Variants in CD226 observed in about 807,000 individuals in gnomAD.
The protein encoded by CD226 is CD226 molecule, also known as CD226 antigen.
A neutral mutation model predicts 34.9 loss-of-function variants in CD226; 24 were observed. That is an observed-to-expected ratio of 0.69 (90% CI 0.50 to 0.97). The LOEUF (loss-of-function observed/expected upper bound fraction) is 0.97. Ranked by LOEUF, CD226 falls within the 50% of genes least tolerant of loss-of-function variation. The pLI is 0.00. For missense variants in CD226, 397 were observed against 412.7 expected (o/e 0.96, Z 0.33); for synonymous variants, 148 against 147.4 (o/e 1.00, Z -0.03).
chr18:69,908,617 C>T (rs1270749604), intron 2 of CD226, among the ~76,000 whole-genome samples: 2 of 143,162 alleles, frequency 1.4e-5, no homozygotes, highest in Admixed American at 1.3e-4. Flanking sequence ...AATTGTAGCC[C>T]CTTTTCCCTC....
chr18:69,875,201 C>A (rs916111804), intron 3 of CD226, among the ~76,000 whole-genome samples: 5 of 152,148 alleles, frequency 3.3e-5, no homozygotes, highest in African/African-American at 1.2e-4. Flanking sequence ...TGCAGTGGCA[C>A]AATCTCAGCT....
chr18:69,948,829 A>G (rs1478693792), upstream of CD226, among the ~76,000 whole-genome samples: 1 of 152,222 alleles, frequency 6.6e-6, no homozygotes, highest in African/African-American at 2.4e-5. Context: ...ACAATCATAA[A>G]GAGGACACAT....
chr18:69,947,119 C>G, intron 1 of CD226, 50 bp from the exon 2 acceptor site: 1 of 1,430,166 alleles, frequency 7.0e-7, no homozygotes, highest in Non-Finnish European at 9.8e-7. Flanking sequence ...ATGGAAACAC[C>G]AAATCAATAT....
intron 2 of CD226, among the ~76,000 whole-genome samples, chr18:69,900,111 T>C (rs1343559413): frequency 6.6e-6 from 1 of 152,178 alleles, no homozygotes; most frequent in African/African-American, 2.4e-5. Flanking sequence ...TAAAAAAGAA[T>C]GAGATCATAT....
chr18:69,872,409 G>GTTT (rs34253062), intron 4 of CD226, among the ~76,000 whole-genome samples: 2 of 151,758 alleles, frequency 1.3e-5, no homozygotes, highest in African/African-American at 4.9e-5. Context: ...ACAGTAAAAG[G>GTTT]TTTTTTTAAT....
intron 2 of CD226, among the ~76,000 whole-genome samples, chr18:69,938,800 T>C (rs1293086409): frequency 6.6e-6 from 1 of 152,194 alleles, no homozygotes; most frequent in Non-Finnish European, 1.5e-5. Context: ...AATCAGTAGA[T>C]TTGGCCAGGC....
In CD226 at chr18:69,921,756, A is replaced by G. The variant is rs561747664; in HGVS notation, c.382+24978T>C. On this transcript the variant is annotated intron_variant, in intron 2 of 5. Coordinates refer to ENST00000582621, the MANE Select transcript of CD226 (RefSeq NM_001303618.2). Reference sequence around the variant, plus strand: ...ATCTACACACTCCAAGTTTTATCCAATGCTCTTTGGCATAATTTGCCTCCA... The same window carrying G: ...ATCTACACACTCCAAGTTTTATCCAGTGCTCTTTGGCATAATTTGCCTCCA... Among the ~76,000 whole-genome samples, 9 of 152,256 alleles carry G rather than the reference A, an allele frequency of 5.9e-5. No homozygotes were observed. In the South Asian group the frequency reaches 1.0e-3, roughly 18 times the overall value.
upstream of CD226, among the ~76,000 whole-genome samples, chr18:69,949,562 C>T (rs1568210118): frequency 6.6e-6 from 1 of 151,344 alleles, no homozygotes. Flanking sequence ...TATCTTCTGT[C>T]TCAGGCCTGT....
chr18:69,896,357 A>G (rs530135037), intron 2 of CD226, among the ~76,000 whole-genome samples: 32 of 151,776 alleles, frequency 2.1e-4, no homozygotes, highest in African/African-American at 7.7e-4. Flanking sequence ...AATTTTTTGT[A>G]TTTTTAGTAG....
At chr18:69,955,881 A>AAAG in intron 1 of CD226, among the ~76,000 whole-genome samples, 1 of 151,520 alleles carries the variant, frequency 6.6e-6, no homozygotes. Context: ...AAAAAAAAAA[A>AAAG]AAATTTCCTC....
intron 3 of CD226, among the ~76,000 whole-genome samples, chr18:69,889,114 T>C (rs75221075): frequency 6.6e-6 from 1 of 152,102 alleles, no homozygotes; most frequent in African/African-American, 2.4e-5. Context: ...ATAGCCATGA[T>C]TGAGTAATCA....
intron 2 of CD226, among the ~76,000 whole-genome samples, chr18:69,917,897 C>A (rs1342003056): frequency 6.6e-6 from 1 of 152,136 alleles, no homozygotes; most frequent in Non-Finnish European, 1.5e-5. Flanking sequence ...GGTTTGAATT[C>A]ACTCCAAAGA....
In CD226 at chr18:69,853,387, G is replaced by A. The variant is rs1471107997; in HGVS notation, c.*10927C>T. On this transcript the variant is annotated 3_prime_UTR_variant, in exon 6 of 6. Coordinates refer to ENST00000582621, the MANE Select transcript of CD226 (RefSeq NM_001303618.2). ...AGGACGTATAGACCTTCTGCCCTCTGTTGTGTTCATCTTCCTTCCTATTGT... is the reference window on the plus strand; with the variant it reads ...AGGACGTATAGACCTTCTGCCCTCTATTGTGTTCATCTTCCTTCCTATTGT... 1 of 152,112 alleles carries A rather than the reference G, an allele frequency of 6.6e-6. No homozygotes were observed. The highest frequency in any genetic ancestry group is 1.5e-5 in the Non-Finnish European group (1 of 68,030). The allele number at this position is 152,112 out of a possible 1,614,324, so 9.4% of individuals were successfully genotyped here. A position where few individuals can be genotyped will look rare whatever the true frequency, so the allele number is the denominator to read the frequency against.
upstream of CD226, chr18:69,957,112 A>G (rs1025680323): frequency 6.6e-6 from 1 of 152,200 alleles, no homozygotes. Context: ...ACTCAGATAA[A>G]GTTCTGTCCC....
chr18:69,937,376 G>C (rs549018030), intron 2 of CD226, among the ~76,000 whole-genome samples: 24 of 152,218 alleles, frequency 1.6e-4, no homozygotes, highest in Admixed American at 4.6e-4. Context: ...TCCTGGAATA[G>C]TGCCTATTAA....
intron 2 of CD226, among the ~76,000 whole-genome samples, chr18:69,935,734 A>C (rs540417729): frequency 1.3e-5 from 2 of 152,348 alleles, no homozygotes; most frequent in South Asian, 4.1e-4. Flanking sequence ...ATACTCACAG[A>C]ATGTTCTGAG....
intron 4 of CD226, among the ~76,000 whole-genome samples, chr18:69,867,815 T>TTA (rs146305131): frequency 0.058 from 8,857 of 152,264 alleles, 744 homozygotes; most frequent in African/African-American, 0.18. Context: ...TAATGAAGCT[T>TTA]TATAAAATCT....
chr18:69,917,004 C>T (rs1370779387), intron 2 of CD226, among the ~76,000 whole-genome samples: 3 of 152,158 alleles, frequency 2.0e-5, no homozygotes, highest in Admixed American at 2.0e-4. Flanking sequence ...CTGTCACTTC[C>T]TCCTCCTTAA....
intron 1 of CD226, among the ~76,000 whole-genome samples, chr18:69,953,462 G>C (rs2055870781): frequency 1.3e-5 from 2 of 152,186 alleles, no homozygotes; most frequent in Admixed American, 1.3e-4. Flanking sequence ...AAAGAATGCA[G>C]AAACAAAAGG....
Sources: allele counts gnomAD v4.1 joint callset (sites outside exome capture counted in the v4.1 genomes callset), GRCh38; gene constraint gnomAD v4.1.1; transcripts MANE v1.5; gene names NCBI Gene and HGNC (gene_info 2026-07-23, HGNC 2026-07-21).